CHLSN: variants seen among roughly 807,000 people sequenced by gnomAD.
CHLSN encodes protein cholesin.
At chr7:1,092,894 C>G in the CHLSN span, 1 of 1,579,386 alleles carries the variant, frequency 6.3e-7, no homozygotes, top group Admixed American at 1.7e-5. Context: ...GGGTGTGACT[C>G]GGGAGCTGCA....
the CHLSN span, among the ~76,000 whole-genome samples, chr7:1,113,866 C>T: frequency 0.034 from 5,104 of 152,304 alleles, 280 homozygotes; most frequent in African/African-American, 0.11. Context: ...AGGACCCGGC[C>T]TGGACGGCAG....
chr7:1,022,943 T>C, the CHLSN span: 1 of 465,590 alleles, frequency 2.1e-6, no homozygotes, highest in Non-Finnish European at 4.4e-6. Context: ...GCGCAGACAC[T>C]GGGGCAGGCG....
At chr7:1,120,200 A>T in the CHLSN span, among the ~76,000 whole-genome samples, 1 of 152,210 alleles carries the variant, frequency 6.6e-6, no homozygotes, top group African/African-American at 2.4e-5. Flanking sequence ...CAGTATGACA[A>T]GACAGCACTT....
chr7:1,070,621 C>G, the CHLSN span, among the ~76,000 whole-genome samples: 1 of 145,864 alleles, frequency 6.9e-6, no homozygotes, highest in Non-Finnish European at 1.5e-5. Context: ...CATGCACACA[C>G]GCACACAACA....
chr7:1,010,927 G>A, the CHLSN span, among the ~76,000 whole-genome samples: 4 of 151,996 alleles, frequency 2.6e-5, no homozygotes, highest in African/African-American at 7.3e-5. Context: ...AGCTAGGGGC[G>A]TGGGAATCAA....
At chr7:1,091,902 C>T in the CHLSN span, 1 of 1,614,056 alleles carries the variant, frequency 6.2e-7, no homozygotes, top group Non-Finnish European at 8.5e-7. Context: ...ACGTGATCGG[C>T]CTGTTCCTCT....
At chr7:1,033,622 C>T in the CHLSN span, among the ~76,000 whole-genome samples, 1 of 152,130 alleles carries the variant, frequency 6.6e-6, no homozygotes, top group African/African-American at 2.4e-5. Flanking sequence ...AGAAATACGA[C>T]GTGGTCAAAC....
the CHLSN span, among the ~76,000 whole-genome samples, chr7:1,068,304 C>T: frequency 6.6e-6 from 1 of 152,148 alleles, no homozygotes; most frequent in South Asian, 2.1e-4. Flanking sequence ...TGGCTCTGAC[C>T]ATGACCTTGG....
chr7:1,051,976 T>C, the CHLSN span, among the ~76,000 whole-genome samples: 1 of 152,154 alleles, frequency 6.6e-6, no homozygotes, highest in Non-Finnish European at 1.5e-5. Flanking sequence ...AGATCCTGGC[T>C]CCAAACAGAA....
chr7:1,069,061 G>C, the CHLSN span, among the ~76,000 whole-genome samples: 2 of 152,212 alleles, frequency 1.3e-5, no homozygotes, highest in East Asian at 1.9e-4. Context: ...GGCCGGGCGC[G>C]GTGGCTCATG....
chr7:1,059,146 C>T, the CHLSN span: 1 of 168,362 alleles, frequency 5.9e-6, no homozygotes, highest in Non-Finnish European at 1.4e-5. Context: ...CCCTGACACC[C>T]TCCCCAGCCC....
chr7:1,135,417 A>T, the CHLSN span, among the ~76,000 whole-genome samples: 1 of 151,606 alleles, frequency 6.6e-6, no homozygotes, highest in East Asian at 1.9e-4. Context: ...ATATACTTGA[A>T]CTCCTGACCT....
the CHLSN span, among the ~76,000 whole-genome samples, chr7:1,060,333 G>A: frequency 6.6e-6 from 1 of 152,204 alleles, no homozygotes; most frequent in Non-Finnish European, 1.5e-5. Flanking sequence ...ACCTGAAGGG[G>A]TGTGAGAGCT....
the CHLSN span, chr7:987,266 G>A: frequency 1.9e-5 from 29 of 1,505,424 alleles, no homozygotes; most frequent in South Asian, 3.7e-5. Context: ...GGCGCCTGGC[G>A]AGACGGCTCC....
At chr7:981,514 G>C in the CHLSN span, among the ~76,000 whole-genome samples, 1 of 151,476 alleles carries the variant, frequency 6.6e-6, no homozygotes, top group African/African-American at 2.4e-5. Flanking sequence ...AAGAGATCGA[G>C]ACTGTCCTGG....
At chr7:1,108,557 G>A in the CHLSN span, among the ~76,000 whole-genome samples, 1 of 152,330 alleles carries the variant, frequency 6.6e-6, no homozygotes, top group Non-Finnish European at 1.5e-5. Context: ...AATCTGCCTG[G>A]GGTTCTGATT....
At chr7:1,028,869 T>C in the CHLSN span, 2 of 598,730 alleles carry the variant, frequency 3.3e-6, no homozygotes, top group Non-Finnish European at 3.9e-6. Context: ...ATCTCCCCAA[T>C]CTGCCCCATC....
the CHLSN span, chr7:988,472 G>T: frequency 6.2e-7 from 1 of 1,607,104 alleles, no homozygotes; most frequent in Non-Finnish European, 8.5e-7. Flanking sequence ...TCCAGGGGTG[G>T]GACGGCCCCA....
the CHLSN span, among the ~76,000 whole-genome samples, chr7:1,002,317 G>A: frequency 0.11 from 12,406 of 114,576 alleles, 1,006 homozygotes; most frequent in Admixed American, 0.15. Flanking sequence ...CTGTGGGTAG[G>A]GAATCCTGTG....
Sources: gnomAD v4.1 joint callset for allele counts (sites outside exome capture counted in the v4.1 genomes callset) on GRCh38, gnomAD v4.1.1 for gene constraint, MANE v1.5 for transcripts, NCBI Gene and HGNC (gene_info 2026-07-23, HGNC 2026-07-21) for gene names.